XXYLT1: variants seen among roughly 807,000 people sequenced by gnomAD.
XXYLT1 encodes the protein UDP-xylose:alpha-xyloside alpha-1,3-xylosyltransferase.
XXYLT1 carries 20 observed loss-of-function variants against 28.9 expected under a neutral mutation model. The observed-to-expected ratio is 0.69, with a 90% confidence interval of 0.49 to 1.00. The LOEUF (loss-of-function observed/expected upper bound fraction) is 1.00. Among genes scored for constraint, XXYLT1 ranks in the 50% least tolerant of loss-of-function variants. The probability of loss-of-function intolerance (pLI) is 0.00; values close to 1 mark genes in which losing one functional copy is unlikely to be tolerated. For synonymous variants in XXYLT1, 257 were observed against 253.8 expected, an observed-to-expected ratio of 1.01 and a Z score of -0.12; for missense variants, 542 against 560.1, an observed-to-expected ratio of 0.97 and a Z score of 0.33.
intron 3 of XXYLT1, among the ~76,000 whole-genome samples, chr3:195,080,456 TGAG>T (rs1715367139): frequency 6.7e-6 from 1 of 150,070 alleles, no homozygotes; most frequent in African/African-American, 2.5e-5. Context: ...CCAAAGCTGG[TGAG>T]GACCCACATG....
intron 2 of XXYLT1, among the ~76,000 whole-genome samples, chr3:195,167,850 C>G (rs1200386641): frequency 6.6e-6 from 1 of 152,198 alleles, no homozygotes; most frequent in African/African-American, 2.4e-5. Flanking sequence ...AGTGTCAGAG[C>G]TGCTGAGGCT....
rs181048939 is a variant in XXYLT1 at position 195,094,910 on chromosome 3, C to T, written c.786-24799G>A. ...AGGTTTTCTCAGCTAACCCCACTGG[C>T]CTCCACCTCCCCTCCCAGGGTTCTC... On this transcript the variant is annotated intron_variant, in intron 3 of 3. Coordinates refer to ENST00000310380, the MANE Select transcript of XXYLT1 (RefSeq NM_152531.5). 8.7e-4 allele frequency among the ~76,000 whole-genome samples: 132 copies of T among 152,354 alleles called. 1 individual carries two copies. Among genetic ancestry groups the T allele is most frequent in the African/African-American group, 3.1e-3 (128 of 41,584 alleles).
In XXYLT1 at chr3:195,195,507, T is replaced by TA. The variant is rs1722588445; in HGVS notation, c.652+31201dup. Among the ~76,000 whole-genome samples the TA allele has an allele frequency of 6.6e-6, 1 of 152,124 alleles. No homozygotes were observed. Among genetic ancestry groups the TA allele is most frequent in the Non-Finnish European group, 1.5e-5 (1 of 68,018 alleles). On this transcript the variant is annotated intron_variant, in intron 2 of 3. Coordinates refer to ENST00000310380, the MANE Select transcript of XXYLT1 (RefSeq NM_152531.5). This position sits in a 1 kb window ranked among gnomAD's most constrained non-coding sequence, Gnocchi z 4.4. ...CACTGGACAGAGCCTCTTTCAGCTT[T>TA]AAAAAAATAAAAGGACTCTCTTTTC...
chr3:195,118,478 A>T (rs1311086741), intron 3 of XXYLT1, among the ~76,000 whole-genome samples: 2 of 144,314 alleles, frequency 1.4e-5, no homozygotes, highest in Non-Finnish European at 3.1e-5. Flanking sequence ...CATGCAGGAA[A>T]GGCTGCACAG....
intron 1 of XXYLT1, among the ~76,000 whole-genome samples, chr3:195,238,786 TC>T (rs1211422003): frequency 6.6e-6 from 1 of 152,084 alleles, no homozygotes; most frequent in African/African-American, 2.4e-5. Context: ...AGCTTTTCCC[TC>T]CCTCCAAATC....
intron 2 of XXYLT1, among the ~76,000 whole-genome samples, chr3:195,169,036 G>A (rs948387638): frequency 3.3e-5 from 5 of 152,202 alleles, no homozygotes; most frequent in Admixed American, 2.0e-4. Context: ...TGACAGTTCC[G>A]TGGGTCCCCT....
chr3:195,153,386 G>A (rs1720388054), intron 3 of XXYLT1, among the ~76,000 whole-genome samples: 1 of 152,190 alleles, frequency 6.6e-6, no homozygotes, highest in Admixed American at 6.5e-5. Context: ...CACGCGGCAG[G>A]CAGTGCAGGG....
At position 195,107,635 on chromosome 3, in the gene XXYLT1, G is replaced by A. The variant is rs866371114; in HGVS notation, c.786-37524C>T. On this transcript the variant is annotated intron_variant, in intron 3 of 3. Coordinates refer to ENST00000310380, the MANE Select transcript of XXYLT1 (RefSeq NM_152531.5). ...GGGAGGAGGAGGGGGAGGAGGAGGG[G>A]GAGGAGGAGGAGGAGGAGGAGGGGG... Among the ~76,000 whole-genome samples the A allele has an allele frequency of 2.6e-3, 54 of 20,540 alleles. 6 individuals are homozygous for A. The highest frequency in any genetic ancestry group is 3.6e-3 in the Non-Finnish European group (37 of 10,256). 13.5% of individuals were successfully genotyped at this position (20,540 alleles called of 152,430 possible). A position where few individuals can be genotyped will look rare whatever the true frequency, so the allele number is the denominator to read the frequency against.
intron 3 of XXYLT1, among the ~76,000 whole-genome samples, chr3:195,082,087 CTT>C (rs1715466640): frequency 6.6e-6 from 1 of 151,980 alleles, no homozygotes; most frequent in Non-Finnish European, 1.5e-5. Flanking sequence ...TTGTTACTTG[CTT>C]TTGTTTCAAA....
At chr3:195,153,076 C>A (rs1209332206) in intron 3 of XXYLT1, among the ~76,000 whole-genome samples, 1 of 152,210 alleles carries the variant, frequency 6.6e-6, no homozygotes, top group East Asian at 1.9e-4. Flanking sequence ...GCCCAAGGGC[C>A]GAGACCGCCT....
chr3:195,190,776 C>T (rs79999940), intron 2 of XXYLT1, among the ~76,000 whole-genome samples: 3,435 of 151,876 alleles, frequency 0.023, 113 homozygotes, highest in African/African-American at 0.079. Context: ...GAAAGAATGG[C>T]GCTTTACGGG....
chr3:195,174,250 G>A (rs1721549011), intron 2 of XXYLT1, among the ~76,000 whole-genome samples: 1 of 152,174 alleles, frequency 6.6e-6, no homozygotes, highest in Non-Finnish European at 1.5e-5. Flanking sequence ...AGGAGGCAGA[G>A]GAGTGGATCC....
intron 2 of XXYLT1, chr3:195,184,655 G>A (rs1157398401): frequency 4.1e-6 from 4 of 985,182 alleles, no homozygotes; most frequent in Non-Finnish European, 4.8e-6. Flanking sequence ...GTCTCTTCAG[G>A]ACTCACCGGA....
intron 1 of XXYLT1, among the ~76,000 whole-genome samples, chr3:195,227,938 A>G (rs1724126362): frequency 6.6e-6 from 1 of 152,178 alleles, no homozygotes; most frequent in South Asian, 2.1e-4. Flanking sequence ...TTCACATGTG[A>G]TACCAGATGA....
At chr3:195,154,567 G>A (rs556441546) in intron 3 of XXYLT1, among the ~76,000 whole-genome samples, 3 of 152,216 alleles carry the variant, frequency 2.0e-5, no homozygotes, top group South Asian at 4.1e-4. Context: ...TCCAGGGAGC[G>A]CGTGCACAAC....
At chr3:195,186,908 T>C (rs1722221208) in intron 2 of XXYLT1, among the ~76,000 whole-genome samples, 1 of 151,392 alleles carries the variant, frequency 6.6e-6, no homozygotes, top group Non-Finnish European at 1.5e-5. Flanking sequence ...TTTTTTTTTT[T>C]TTTTGAAACA....
intron 3 of XXYLT1, among the ~76,000 whole-genome samples, chr3:195,101,253 T>C (rs1176494159): frequency 6.6e-6 from 1 of 152,264 alleles, no homozygotes; most frequent in African/African-American, 2.4e-5. Flanking sequence ...CTTAATTGAT[T>C]GGGAGCAATT....
intron 3 of XXYLT1, among the ~76,000 whole-genome samples, chr3:195,138,298 A>G (rs1309982902): frequency 6.6e-6 from 1 of 152,210 alleles, no homozygotes; most frequent in Non-Finnish European, 1.5e-5. Context: ...CACTGGCTGG[A>G]GGAATGGTTT....
intron 2 of XXYLT1, among the ~76,000 whole-genome samples, chr3:195,202,070 A>G (rs897594584): frequency 1.3e-5 from 2 of 152,038 alleles, no homozygotes; most frequent in Non-Finnish European, 2.9e-5. Context: ...CCAGCCACTC[A>G]GGAGGCTGAG....
Sources: allele counts gnomAD v4.1 joint callset (sites outside exome capture counted in the v4.1 genomes callset), GRCh38; gene constraint gnomAD v4.1.1; non-coding constraint Gnocchi (gnomAD v3.1); transcripts MANE v1.5; gene names NCBI Gene and HGNC (gene_info 2026-07-23, HGNC 2026-07-21).